The following VPS39 variants were observed in gnomAD, a reference collection of about 807,000 sequenced individuals.
The protein encoded by VPS39 is vam6/Vps39-like protein.
Under a neutral mutation model 121.0 loss-of-function variants are expected in VPS39, and 70 were observed. That is an observed-to-expected ratio of 0.58 (90% CI 0.48 to 0.71). The LOEUF (loss-of-function observed/expected upper bound fraction) is 0.71, where lower values mean the gene tolerates loss of function less well. Among genes scored for constraint, VPS39 ranks in the 30% least tolerant of loss-of-function variants. The pLI is 0.00. For synonymous variants in VPS39, 378 were observed against 398.1 expected (o/e 0.95, Z 0.60); for missense variants, 818 against 1,051.5 (o/e 0.78, Z 3.07).
intron 11 of VPS39, 125 bp from the exon 12 acceptor site, chr15:42,169,991 AGTTC>A: frequency 1.8e-6 from 2 of 1,105,032 alleles, no homozygotes; most frequent in Non-Finnish European, 2.5e-6. Flanking sequence ...AAAGACTCTC[AGTTC>A]ATAAACATTC....
chr15:42,189,244 T>A, intron 4 of VPS39, 36 bp from the exon 5 acceptor site: 1 of 1,546,680 alleles, frequency 6.5e-7, no homozygotes. Context: ...GGATCAATGA[T>A]CATAATTCTC....
intron 4 of VPS39, 117 bp downstream of exon 4, chr15:42,191,008 G>A: frequency 8.5e-7 from 1 of 1,180,992 alleles, no homozygotes; most frequent in Non-Finnish European, 1.3e-6. Context: ...GTTATACCAG[G>A]TTTGGAACAC....
intron 1 of VPS39, among the ~76,000 whole-genome samples, chr15:42,205,198 A>G (rs1199090257): frequency 1.3e-5 from 2 of 152,190 alleles, no homozygotes; most frequent in Non-Finnish European, 2.9e-5. Context: ...GCAGAAAACA[A>G]AGATACTGCC....
intron 1 of VPS39, among the ~76,000 whole-genome samples, chr15:42,204,683 AAAATT>A (rs1266976063): frequency 6.6e-6 from 1 of 151,766 alleles, no homozygotes; most frequent in African/African-American, 2.4e-5. Context: ...AAAATAAAAT[AAAATT>A]AAATTAAATT....
rs917665574 is a variant in VPS39, at chr15:42,162,480, A to G, written c.2177T>C (p.Val726Ala). 1.9e-6 allele frequency: 3 copies of G among 1,596,978 alleles called. No homozygotes were observed. The highest frequency in any genetic ancestry group is 2.6e-6 in the Non-Finnish European group (3 of 1,168,722). Residue 726 changes from valine (V) to alanine (A), a missense_variant and splice_region_variant, in exon 22 of 25, where the codon GTG becomes GCG. By Grantham distance (64) the Val-to-Ala change is moderately conservative (BLOSUM62 0). Coordinates refer to ENST00000318006, the MANE Select transcript of VPS39 (RefSeq NM_015289.5). ...GTACATCCGAAGCAGGGACAGATAC[A>G]CCTGTCTCAGAGAGACATGAGCTAC... ...YDRNKDGNKD[V>A]YLSLLRMYLS... is the part of the protein sequence containing the mutation.
chr15:42,184,975 C>T (rs1318615270), intron 7 of VPS39, among the ~76,000 whole-genome samples: 1 of 152,196 alleles, frequency 6.6e-6, no homozygotes, highest in Non-Finnish European at 1.5e-5. Context: ...GGTGGGAATG[C>T]AAAATGGTGC....
chr15:42,203,314 C>CA (rs892528373), intron 1 of VPS39, among the ~76,000 whole-genome samples: 2 of 151,590 alleles, frequency 1.3e-5, no homozygotes, highest in Admixed American at 6.6e-5. Context: ...ACTAAAAATA[C>CA]AAAAAAAATT....
chr15:42,177,673 T>G (rs1017417467), intron 10 of VPS39, among the ~76,000 whole-genome samples: 3 of 152,134 alleles, frequency 2.0e-5, no homozygotes, highest in African/African-American at 7.2e-5. Context: ...TTAATTTTTT[T>G]TTTTGTTTTT....
chr15:42,189,819 T>TTTTTC lies in VPS39; in HGVS notation c.248-612_248-611insGAAAA, dbSNP rs376361986. 1.2e-3 allele frequency among the ~76,000 whole-genome samples: 100 copies of TTTTTC among 82,808 alleles called. 22 individuals carry two copies. Among genetic ancestry groups the TTTTTC allele is most frequent in the East Asian group, 2.4e-3 (5 of 2,080 alleles). 54.3% of individuals were successfully genotyped at this position (82,808 alleles called of 152,430 possible). Reference sequence around the variant, plus strand: ...CTTTTTTTTTTTTTTTTTTTTTTTTTTGAGGCACGGTCTCACTCTGTTGCC... The same window carrying TTTTTC: ...CTTTTTTTTTTTTTTTTTTTTTTTTTTTTTCTGAGGCACGGTCTCACTCTGTTGCC... On this transcript the variant is annotated intron_variant, in intron 4 of 24. Coordinates refer to ENST00000318006, the MANE Select transcript of VPS39 (RefSeq NM_015289.5).
chr15:42,199,402 G>A (rs1157915329), intron 2 of VPS39, among the ~76,000 whole-genome samples: 1 of 152,008 alleles, frequency 6.6e-6, no homozygotes, highest in African/African-American at 2.4e-5. Context: ...AACTGATGTT[G>A]GAAAGAACTT....
In VPS39 at chr15:42,165,703, CAAA is replaced by C; in HGVS notation, c.1779+12_1779+14del. The C allele has an allele frequency of 6.2e-7, 1 of 1,610,510 alleles. No homozygotes were observed. The highest frequency in any genetic ancestry group is 8.5e-7 in the Non-Finnish European group (1 of 1,177,060). Reference sequence around the variant, plus strand: ...GGGTTTAAAGCTTTTTAGTGCAGACCAAAAAATACCTTACCAGATAAGGAATAG... The same window carrying C: ...GGGTTTAAAGCTTTTTAGTGCAGACCAAATACCTTACCAGATAAGGAATAG... On this transcript the variant is annotated intron_variant, in intron 17 of 24. Transcript: ENST00000318006.
At chr15:42,191,680 C>A in intron 2 of VPS39, 120 bp from the exon 3 acceptor site, 1 of 859,100 alleles carries the variant, frequency 1.2e-6, no homozygotes, top group Non-Finnish European at 1.8e-6. Context: ...TCCTGAAAGA[C>A]TAAAAATCAG....
At chr15:42,162,272 C>T in intron 22 of VPS39, 60 bp downstream of exon 22, 2 of 1,596,902 alleles carry the variant, frequency 1.3e-6, no homozygotes, top group Non-Finnish European at 1.7e-6. Flanking sequence ...TTCCACATTT[C>T]CTCTTCTCAT....
intron 5 of VPS39, among the ~76,000 whole-genome samples, chr15:42,188,130 G>T (rs2049743111): frequency 6.6e-6 from 1 of 152,112 alleles, no homozygotes; most frequent in South Asian, 2.1e-4. Flanking sequence ...AAAATCCTGG[G>T]GCAGTCCTTC....
intron 6 of VPS39, 114 bp from the exon 7 acceptor site, chr15:42,187,477 C>CA (rs1442722827): frequency 2.1e-6 from 2 of 934,314 alleles, no homozygotes; most frequent in Non-Finnish European, 1.6e-6. Flanking sequence ...TCATCGGGCA[C>CA]AATTCTACAG....
At chr15:42,163,807 G>T in intron 19 of VPS39, 79 bp from the exon 20 acceptor site, 1 of 956,744 alleles carries the variant, frequency 1.0e-6, no homozygotes, top group Non-Finnish European at 1.6e-6. Flanking sequence ...CAGAGGAGTG[G>T]ACACGAGGCA....
At chr15:42,201,016 A>G (rs1199684736) in intron 1 of VPS39, among the ~76,000 whole-genome samples, 1 of 152,226 alleles carries the variant, frequency 6.6e-6, no homozygotes, top group Non-Finnish European at 1.5e-5. Context: ...TAGAAAGATT[A>G]GCGGTTGCCC....
In VPS39 at chr15:42,191,554, T is replaced by C; in HGVS notation, c.146A>G (p.Asn49Ser). 2 of 1,613,852 alleles carry C rather than the reference T, an allele frequency of 1.2e-6. No individual in the cohort carries two copies. The highest frequency in any genetic ancestry group is 1.1e-5 in the South Asian group (1 of 91,026). Residue 49 changes from asparagine (N) to serine (S), a missense_variant, in exon 3 of 25, where the codon AAC becomes AGC. Coordinates refer to ENST00000318006, the MANE Select transcript of VPS39 (RefSeq NM_015289.5). ...LYRIRKDVGCNRFEVTLEKSN... is the reference protein window; with the variant it reads ...LYRIRKDVGCSRFEVTLEKSN... The stretch of plus-strand genomic sequence containing the variant: ...TTTCTCTAGTGTCACTTCAAATCTG[T>C]TGCAACCTATGGAAAACAAATAAAC...
intron 7 of VPS39, 36 bp from the exon 8 acceptor site, chr15:42,184,736 C>T (rs1490901517): frequency 1.3e-6 from 2 of 1,575,606 alleles, no homozygotes; most frequent in Admixed American, 3.7e-5. Context: ...CCTAGCATTC[C>T]CCAGCCAGAG....
Sources: gnomAD v4.1 joint callset for allele counts (sites outside exome capture counted in the v4.1 genomes callset) on GRCh38, gnomAD v4.1.1 for gene constraint, MANE v1.5 for transcripts, NCBI Gene and HGNC (gene_info 2026-07-23, HGNC 2026-07-21) for gene names.